Variants in FOXN3 observed in about 807,000 individuals in gnomAD.
FOXN3 encodes the protein forkhead box protein N3.
A neutral mutation model predicts 38.4 loss-of-function variants in FOXN3; 7 were observed. The observed-to-expected ratio is 0.18, with a 90% confidence interval of 0.10 to 0.34. FOXN3 has a LOEUF of 0.34. FOXN3 is among the 10% of genes least tolerant of loss of function. FOXN3 has a pLI of 1.00. For synonymous variants in FOXN3, 230 were observed against 242.2 expected (o/e 0.95, Z 0.47); for missense variants, 456 against 613.4 (o/e 0.74, Z 2.71).
intron 4 of FOXN3, among the ~76,000 whole-genome samples, chr14:89,203,238 G>C (rs1888280547): frequency 6.6e-6 from 1 of 152,204 alleles, no homozygotes; most frequent in African/African-American, 2.4e-5. Context: ...GATGTTGAGG[G>C]GAGGGGACTT....
intron 1 of FOXN3, among the ~76,000 whole-genome samples, chr14:89,416,583 G>A (rs1891736234): frequency 6.6e-6 from 1 of 152,098 alleles, no homozygotes; most frequent in African/African-American, 2.4e-5. Flanking sequence ...GAACGGCGGG[G>A]ACCCCGTCCT....
chr14:89,190,101 A>G (rs965471967), intron 4 of FOXN3, among the ~76,000 whole-genome samples: 12 of 152,234 alleles, frequency 7.9e-5, no homozygotes, highest in Non-Finnish European at 1.3e-4. Flanking sequence ...AGGCCTCTTC[A>G]CTGGGACTCA....
intron 3 of FOXN3, among the ~76,000 whole-genome samples, chr14:89,328,097 A>C (rs554163540): frequency 6.6e-6 from 1 of 152,352 alleles, no homozygotes; most frequent in South Asian, 2.1e-4. Flanking sequence ...AGGATCGTTA[A>C]ACTACAGCAC....
chr14:89,325,446 G>A (rs1054160689), intron 3 of FOXN3, among the ~76,000 whole-genome samples: 1 of 151,434 alleles, frequency 6.6e-6, no homozygotes, highest in Non-Finnish European at 1.5e-5. Flanking sequence ...TCATGTCAGA[G>A]ACCCAGAGAC....
intron 3 of FOXN3, among the ~76,000 whole-genome samples, chr14:89,311,615 A>C (rs183789868): frequency 8.0e-4 from 121 of 151,978 alleles, no homozygotes; most frequent in African/African-American, 2.8e-3. Flanking sequence ...TCACAAGATC[A>C]GGAGGTCAAG....
At chr14:89,253,250 C>G (rs529822468) in intron 4 of FOXN3, among the ~76,000 whole-genome samples, 1 of 152,264 alleles carries the variant, frequency 6.6e-6, no homozygotes, top group African/African-American at 2.4e-5. Context: ...GAGTGCTCAC[C>G]GGCATCGCGG....
chr14:89,441,996 G>A (rs1158609383), intron 1 of FOXN3, among the ~76,000 whole-genome samples: 14 of 149,562 alleles, frequency 9.4e-5, no homozygotes, highest in African/African-American at 5.0e-5. Context: ...GCATGATCTC[G>A]GCTCACCGCA....
At chr14:89,351,460 T>C (rs905339068) in intron 2 of FOXN3, 6 of 152,188 alleles carry the variant, frequency 3.9e-5, no homozygotes, top group Non-Finnish European at 8.8e-5. Flanking sequence ...ACTCCAGCCA[T>C]TAAGAGTTGA....
Position 89,162,318 on chromosome 14 carries a change from G to GA in FOXN3, c.*95dup. 1.9e-5 allele frequency: 21 copies of GA among 1,092,228 alleles called. No individual in the cohort carries two copies. Among genetic ancestry groups the GA allele is most frequent in the Non-Finnish European group, 2.5e-5 (20 of 788,372 alleles). 67.7% of individuals were successfully genotyped at this position (1,092,228 alleles called of 1,614,324 possible). A position where few individuals can be genotyped will look rare whatever the true frequency, so the allele number is the denominator to read the frequency against. ...AAACCAAACCAAAAACAAGAAAAAA[G>GA]AAAAAAAATTGCTGATATTGCCACA... On this transcript the variant is annotated 3_prime_UTR_variant, in exon 6 of 6. Transcript: ENST00000557258. The surrounding 1 kb of genome is among the most constrained non-coding windows in gnomAD (Gnocchi z 7.2).
At chr14:89,596,968 C>T (rs1896068592) in intron 1 of FOXN3, among the ~76,000 whole-genome samples, 1 of 151,912 alleles carries the variant, frequency 6.6e-6, no homozygotes, top group East Asian at 1.9e-4. Flanking sequence ...ATTTCATTAC[C>T]TTTTATCTTG....
intron 1 of FOXN3, among the ~76,000 whole-genome samples, chr14:89,430,641 G>A (rs965720109): frequency 2.0e-5 from 3 of 152,222 alleles, no homozygotes; most frequent in African/African-American, 7.2e-5. Flanking sequence ...AAGACATCGC[G>A]AGAGTTAAGA....
intron 3 of FOXN3, chr14:89,291,432 T>A: frequency 1.6e-6 from 1 of 610,672 alleles, no homozygotes; most frequent in Non-Finnish European, 3.2e-6. Flanking sequence ...GCCACCATGC[T>A]GTTCATCAGC....
intron 1 of FOXN3, among the ~76,000 whole-genome samples, chr14:89,567,721 ATTTTT>A (rs58016745): frequency 7.7e-6 from 1 of 129,488 alleles, no homozygotes. Context: ...AATCTCGTTG[ATTTTT>A]TTTTTTTTTT....
intron 1 of FOXN3, among the ~76,000 whole-genome samples, chr14:89,555,629 T>C (rs1041855909): frequency 3.3e-4 from 50 of 152,350 alleles, no homozygotes; most frequent in African/African-American, 1.2e-3. Context: ...ATATCTACAC[T>C]GGTCTTTTGG....
At chr14:89,500,273 G>A (rs1893769078) in intron 1 of FOXN3, among the ~76,000 whole-genome samples, 2 of 152,210 alleles carry the variant, frequency 1.3e-5, no homozygotes, top group Non-Finnish European at 2.9e-5. Flanking sequence ...ACCGTTGTGT[G>A]TTTGGAAGCC....
intron 1 of FOXN3, among the ~76,000 whole-genome samples, chr14:89,501,851 A>AC (rs1893806883): frequency 6.6e-6 from 1 of 150,754 alleles, no homozygotes; most frequent in Non-Finnish European, 1.5e-5. Flanking sequence ...TCCATCTCAA[A>AC]AAAACAAACA....
At chr14:89,480,580 C>T (rs1893306201) in intron 1 of FOXN3, among the ~76,000 whole-genome samples, 1 of 150,700 alleles carries the variant, frequency 6.6e-6, no homozygotes, top group Non-Finnish European at 1.5e-5. Context: ...TGTATTCATT[C>T]AGAGGGAAAA....
At chr14:89,410,325 C>T (rs1198597460) in intron 2 of FOXN3, among the ~76,000 whole-genome samples, 1 of 152,166 alleles carries the variant, frequency 6.6e-6, no homozygotes, top group African/African-American at 2.4e-5. Flanking sequence ...TGATCCCACA[C>T]AACAGTGGTC....
intron 3 of FOXN3, among the ~76,000 whole-genome samples, chr14:89,337,493 G>T (rs886893412): frequency 1.3e-5 from 2 of 152,142 alleles, no homozygotes; most frequent in Non-Finnish European, 2.9e-5. Flanking sequence ...GAGCTCCGGC[G>T]CCTTACCTTT....
Sources: allele counts gnomAD v4.1 joint callset (sites outside exome capture counted in the v4.1 genomes callset), GRCh38; gene constraint gnomAD v4.1.1; non-coding constraint Gnocchi (gnomAD v3.1); transcripts MANE v1.5; gene names NCBI Gene and HGNC (gene_info 2026-07-23, HGNC 2026-07-21).